SNX29: variants seen among roughly 807,000 people sequenced by gnomAD.
The protein encoded by SNX29 is sorting nexin-29.
A neutral mutation model predicts 102.1 loss-of-function variants in SNX29; 78 were observed. The ratio of observed to expected loss-of-function variants is 0.76; its 90% CI spans 0.64 to 0.92. The LOEUF (loss-of-function observed/expected upper bound fraction) is 0.92. Among genes scored for constraint, SNX29 ranks in the 40% least tolerant of loss-of-function variants. SNX29 has a pLI of 0.00. For missense variants in SNX29, 1,280 were observed against 1,061.7 expected, an observed-to-expected ratio of 1.21 and a Z score of -2.86; for synonymous variants, 580 against 414.5, an observed-to-expected ratio of 1.40 and a Z score of -4.85.
intron 16 of SNX29, among the ~76,000 whole-genome samples, chr16:12,387,048 C>A (rs12599088): frequency 0.032 from 4,826 of 152,142 alleles, 294 homozygotes; most frequent in East Asian, 0.29. Flanking sequence ...TCACTTGAAC[C>A]TGGGAGGCAG....
At chr16:12,422,733 C>T (rs983891397) in intron 18 of SNX29, among the ~76,000 whole-genome samples, 1 of 152,204 alleles carries the variant, frequency 6.6e-6, no homozygotes, top group African/African-American at 2.4e-5. Context: ...TCACACACCT[C>T]TCTCTCCCAG....
rs192387336 is a variant in SNX29 at position 12,295,276 on chromosome 16, C to T, written c.1782+17240C>T. The stretch of plus-strand genomic sequence containing the variant: ...CTAGGATGACAGGCAGCGGGGTCAC[C>T]GGTTCCCTTTAAGGATACGCACACC... On this transcript the variant is annotated intron_variant, in intron 15 of 20. Transcript: ENST00000566228. Among the ~76,000 whole-genome samples the T allele has an allele frequency of 4.6e-5, 7 of 152,326 alleles. No homozygotes were observed. In the South Asian group the frequency reaches 6.2e-4, roughly 14 times the overall value.
chr16:12,534,265 C>G (rs781601962), intron 20 of SNX29, among the ~76,000 whole-genome samples: 1 of 152,224 alleles, frequency 6.6e-6, no homozygotes, highest in Non-Finnish European at 1.5e-5. Context: ...CCAAGCACCG[C>G]CGGCACACCT....
chr16:12,556,833 G>C (rs898454664), intron 20 of SNX29, among the ~76,000 whole-genome samples: 2 of 152,098 alleles, frequency 1.3e-5, no homozygotes, highest in African/African-American at 2.4e-5. Context: ...AGGAGGAACA[G>C]AAGTTTGATG....
chr16:12,513,437 T>A (rs1357613674), intron 19 of SNX29, among the ~76,000 whole-genome samples: 1 of 151,716 alleles, frequency 6.6e-6, no homozygotes, highest in Non-Finnish European at 1.5e-5. Flanking sequence ...CCTCTCCTCT[T>A]CCCTGCGCTG....
intron 11 of SNX29, among the ~76,000 whole-genome samples, chr16:12,099,405 G>C (rs188632269): frequency 1.3e-5 from 2 of 152,164 alleles, no homozygotes; most frequent in African/African-American, 2.4e-5. Flanking sequence ...GCTCGTAGGG[G>C]AGTTGGGTAT....
At chr16:12,152,401 C>T (rs776168983) in intron 13 of SNX29, among the ~76,000 whole-genome samples, 1 of 152,188 alleles carries the variant, frequency 6.6e-6, no homozygotes, top group Non-Finnish European at 1.5e-5. Flanking sequence ...ATGGTCATTT[C>T]AAGGTTTGGC....
At chr16:12,526,447 A>G (rs2076785614) in intron 20 of SNX29, 2 of 442,648 alleles carry the variant, frequency 4.5e-6, no homozygotes, top group African/African-American at 2.0e-5. Flanking sequence ...AGAAGACATT[A>G]TAGTATCCTG....
At chr16:12,496,343 G>T (rs2088821164) in intron 19 of SNX29, among the ~76,000 whole-genome samples, 1 of 151,996 alleles carries the variant, frequency 6.6e-6, no homozygotes, top group Non-Finnish European at 1.5e-5. Context: ...CTGCAGCTCA[G>T]GGTACACGGC....
intron 13 of SNX29, among the ~76,000 whole-genome samples, chr16:12,156,102 C>G (rs1555473288): frequency 1.3e-5 from 2 of 152,256 alleles, no homozygotes; most frequent in Non-Finnish European, 1.5e-5. Flanking sequence ...AGCCTTGGCT[C>G]TAACGTTTCT....
chr16:12,207,661 C>T (rs972377650), intron 14 of SNX29, among the ~76,000 whole-genome samples: 1 of 152,176 alleles, frequency 6.6e-6, no homozygotes, highest in African/African-American at 2.4e-5. Flanking sequence ...TTCCTAGAAA[C>T]TCCGCTTCCC....
intron 4 of SNX29, among the ~76,000 whole-genome samples, chr16:12,040,480 T>C (rs2049834642): frequency 6.6e-6 from 1 of 152,246 alleles, no homozygotes; most frequent in African/African-American, 2.4e-5. Flanking sequence ...GGAATGACTG[T>C]CTTATGGATA....
chr16:12,209,378 CG>C (rs1320158324), intron 14 of SNX29, among the ~76,000 whole-genome samples: 2 of 152,134 alleles, frequency 1.3e-5, no homozygotes, highest in African/African-American at 4.8e-5. Flanking sequence ...TTAGTAGAGA[CG>C]GGGTTTTGCC....
intron 14 of SNX29, among the ~76,000 whole-genome samples, chr16:12,274,246 C>T (rs543105197): frequency 3.3e-5 from 5 of 152,282 alleles, no homozygotes; most frequent in South Asian, 2.1e-4. Flanking sequence ...TGTTTTCTAG[C>T]TTTCCATGTT....
At chr16:12,488,657 A>G (rs905918036) in intron 19 of SNX29, among the ~76,000 whole-genome samples, 7 of 152,162 alleles carry the variant, frequency 4.6e-5, no homozygotes, top group African/African-American at 1.4e-4. Context: ...CTTCACTTCC[A>G]GGACACTGTC....
intron 13 of SNX29, among the ~76,000 whole-genome samples, chr16:12,153,264 G>A (rs1036711267): frequency 4.0e-5 from 6 of 151,748 alleles, no homozygotes; most frequent in Middle Eastern, 3.2e-3. Flanking sequence ...CCCTGTCTCT[G>A]AATGAATGAA....
At chr16:12,283,319 T>G (rs1183155446) in intron 15 of SNX29, among the ~76,000 whole-genome samples, 2 of 151,810 alleles carry the variant, frequency 1.3e-5, no homozygotes, top group Non-Finnish European at 2.9e-5. Flanking sequence ...TTGTTTTTTT[T>G]TTTTTTCTTT....
At chr16:12,252,705 C>T (rs2078456685) in intron 14 of SNX29, among the ~76,000 whole-genome samples, 1 of 152,190 alleles carries the variant, frequency 6.6e-6, no homozygotes, top group African/African-American at 2.4e-5. Flanking sequence ...GTTGCGGTGC[C>T]GAGGTGCCTG....
chr16:12,203,607 A>G (rs2076973322), intron 14 of SNX29, among the ~76,000 whole-genome samples: 1 of 152,056 alleles, frequency 6.6e-6, no homozygotes, highest in Admixed American at 6.6e-5. Context: ...TGGTGGTATC[A>G]TTCTTTGGGT....
Sources: allele counts gnomAD v4.1 joint callset (sites outside exome capture counted in the v4.1 genomes callset), GRCh38; gene constraint gnomAD v4.1.1; transcripts MANE v1.5; gene names NCBI Gene and HGNC (gene_info 2026-07-23, HGNC 2026-07-21).